The following CMIP variants were observed in gnomAD, a reference collection of about 807,000 sequenced individuals.
CMIP encodes C-Maf-inducing protein.
A neutral mutation model predicts 97.3 loss-of-function variants in CMIP; 13 were observed. That is an observed-to-expected ratio of 0.13 (90% CI 0.09 to 0.21). The LOEUF is 0.21. Among genes scored for constraint, CMIP ranks in the 10% least tolerant of loss-of-function variants. CMIP has a pLI of 1.00. For synonymous variants in CMIP, 538 were observed against 436.3 expected (o/e 1.23, Z -2.91); for missense variants, 847 against 1,024.9 (o/e 0.83, Z 2.37).
At chr16:81,676,753 A>T (rs1597235038) in intron 9 of CMIP, among the ~76,000 whole-genome samples, 1 of 152,284 alleles carries the variant, frequency 6.6e-6, no homozygotes, top group African/African-American at 2.4e-5. Context: ...CTTGCTGTGC[A>T]TGGGGTTCAA....
chr16:81,484,452 T>G (rs1214865245), intron 1 of CMIP, among the ~76,000 whole-genome samples: 1 of 152,134 alleles, frequency 6.6e-6, no homozygotes, highest in Non-Finnish European at 1.5e-5. Flanking sequence ...ACGCAGGGTG[T>G]TGCAGGTTGG....
intron 1 of CMIP, among the ~76,000 whole-genome samples, chr16:81,470,106 A>T (rs1907432393): frequency 6.6e-6 from 1 of 152,250 alleles, no homozygotes; most frequent in Non-Finnish European, 1.5e-5. Flanking sequence ...CTTCCTCTAC[A>T]ACCTTCAGAT....
intron 13 of CMIP, among the ~76,000 whole-genome samples, chr16:81,694,454 G>T (rs568907481): frequency 3.5e-4 from 53 of 152,290 alleles, no homozygotes; most frequent in Non-Finnish European, 7.2e-4. Context: ...GGTCAAACTG[G>T]ACCTTAGTCT....
chr16:81,579,195 C>G (rs1264898554), intron 1 of CMIP, among the ~76,000 whole-genome samples: 3 of 152,170 alleles, frequency 2.0e-5, no homozygotes, highest in Non-Finnish European at 4.4e-5. Context: ...TAAGGGGTTA[C>G]TTCTTAACAA....
At chr16:81,635,488 C>T (rs535271491) in intron 3 of CMIP, among the ~76,000 whole-genome samples, 1 of 152,284 alleles carries the variant, frequency 6.6e-6, no homozygotes, top group Admixed American at 6.5e-5. Context: ...GAGTGACACC[C>T]ACCAGGTGTT....
At chr16:81,567,656 C>T (rs2091006322) in intron 1 of CMIP, among the ~76,000 whole-genome samples, 1 of 152,214 alleles carries the variant, frequency 6.6e-6, no homozygotes, top group African/African-American at 2.4e-5. Flanking sequence ...CTTTCCCTCT[C>T]ACAGTATGCC....
rs529121260 is a variant in CMIP, at chr16:81,646,479, A to G, written c.478-5724A>G. Among the ~76,000 whole-genome samples, 30 of 152,334 alleles carry G rather than the reference A, an allele frequency of 2.0e-4. No homozygotes were observed. In the South Asian group the frequency reaches 2.5e-3, roughly 13 times the overall value. On this transcript the variant is annotated intron_variant, in intron 3 of 20. Coordinates refer to ENST00000537098, the MANE Select transcript of CMIP (RefSeq NM_198390.3). ...TAGGATAGCATTTTTAAAAAATAGC[A>G]TTATTGAAATGGAATCCACATACCA... is the stretch of plus-strand genomic sequence containing the variant.
intron 10 of CMIP, among the ~76,000 whole-genome samples, chr16:81,689,969 G>A (rs1490721614): frequency 6.6e-6 from 1 of 152,168 alleles, no homozygotes; most frequent in African/African-American, 2.4e-5. Context: ...GGTTGTAGAT[G>A]TGTGGTATTA....
intron 1 of CMIP, among the ~76,000 whole-genome samples, chr16:81,511,518 C>T (rs2089809278): frequency 6.6e-6 from 1 of 152,192 alleles, no homozygotes. Context: ...TTAACACATT[C>T]CTCTGTTCCC....
chr16:81,582,866 A>G (rs911139889), intron 1 of CMIP, among the ~76,000 whole-genome samples: 6 of 152,158 alleles, frequency 3.9e-5, no homozygotes, highest in Admixed American at 1.3e-4. Flanking sequence ...CAGAAAGAAA[A>G]TGAAGATAAA....
rs1017688703 is a variant in CMIP at position 81,709,919 on chromosome 16, G to A, written c.*120G>A. On this transcript the variant is annotated 3_prime_UTR_variant, in exon 21 of 21. Transcript: ENST00000537098. Reference sequence around the variant, plus strand: ...GTGCCCTGGCTGTGAGATAGATGGGGAGTCTTTCTGGGGGCGGAGGGGGGA... The same window carrying A: ...GTGCCCTGGCTGTGAGATAGATGGGAAGTCTTTCTGGGGGCGGAGGGGGGA... 17 of 406,470 alleles carry A rather than the reference G, an allele frequency of 4.2e-5. No individual in the cohort carries two copies. The highest frequency in any genetic ancestry group is 8.7e-4 in the Middle Eastern group (1 of 1,148). 25.2% of individuals were successfully genotyped at this position (406,470 alleles called of 1,614,324 possible).
intron 1 of CMIP, among the ~76,000 whole-genome samples, chr16:81,474,687 G>A (rs549050311): frequency 8.5e-5 from 13 of 152,348 alleles, no homozygotes; most frequent in Admixed American, 3.3e-4. Context: ...GTCCGCCTGC[G>A]GAGGGGCCTC....
In CMIP at chr16:81,683,821, A is replaced by T. The variant is rs1293610259; in HGVS notation, c.1388+5193A>T. The stretch of plus-strand genomic sequence containing the variant: ...CTCTCACCCAGGCTGCAGTGCAGTG[A>T]CGCGATCTCAGCTCACTGCAACCTC... On this transcript the variant is annotated intron_variant, in intron 10 of 20. Coordinates refer to ENST00000537098, the MANE Select transcript of CMIP (RefSeq NM_198390.3). 8.6e-5 allele frequency among the ~76,000 whole-genome samples: 10 copies of T among 116,898 alleles called. No homozygotes were observed. The Admixed American group carries it at 8.6e-4, about 10-fold the overall frequency. The allele number at this position is 116,898 out of a possible 152,430, so 76.7% of individuals were successfully genotyped here. A position where few individuals can be genotyped will look rare whatever the true frequency, so the allele number is the denominator to read the frequency against.
intron 1 of CMIP, among the ~76,000 whole-genome samples, chr16:81,499,122 A>G (rs145914096): frequency 1.3e-5 from 2 of 152,288 alleles, no homozygotes; most frequent in African/African-American, 2.4e-5. Context: ...TCAAGGCTTC[A>G]GTCCAGGCTC....
intron 3 of CMIP, among the ~76,000 whole-genome samples, chr16:81,638,655 A>G (rs2092266464): frequency 6.6e-6 from 1 of 151,672 alleles, no homozygotes; most frequent in African/African-American, 2.4e-5. Context: ...CCTGCACCTG[A>G]GAATGTTTTC....
chr16:81,589,182 T>G (rs2091428944), intron 1 of CMIP, among the ~76,000 whole-genome samples: 1 of 152,108 alleles, frequency 6.6e-6, no homozygotes, highest in Non-Finnish European at 1.5e-5. Flanking sequence ...CTGCAACCAC[T>G]GCCTCCTTGA....
At chr16:81,513,973 A>T (rs2089861835) in intron 1 of CMIP, among the ~76,000 whole-genome samples, 2 of 152,024 alleles carry the variant, frequency 1.3e-5, no homozygotes, top group Admixed American at 1.3e-4. Context: ...TTGTGTTTTG[A>T]CCCCAAAACA....
intron 1 of CMIP, among the ~76,000 whole-genome samples, chr16:81,525,382 A>G (rs1311493677): frequency 2.0e-5 from 3 of 151,910 alleles, no homozygotes; most frequent in Non-Finnish European, 4.4e-5. Context: ...ACCTCAGGTG[A>G]TCCGTGCATC....
intron 1 of CMIP, among the ~76,000 whole-genome samples, chr16:81,530,821 A>T (rs1247911306): frequency 6.6e-6 from 1 of 152,016 alleles, no homozygotes; most frequent in Non-Finnish European, 1.5e-5. Flanking sequence ...TTTTACATAC[A>T]TTATCTTCGA....
Sources: gnomAD v4.1 joint callset for allele counts (sites outside exome capture counted in the v4.1 genomes callset) on GRCh38, gnomAD v4.1.1 for gene constraint, MANE v1.5 for transcripts, NCBI Gene and HGNC (gene_info 2026-07-23, HGNC 2026-07-21) for gene names.